Variants in TOP2B observed in about 807,000 individuals in gnomAD.
TOP2B encodes DNA topoisomerase 2-beta.
A neutral mutation model predicts 193.5 loss-of-function variants in TOP2B; 51 were observed. That is an observed-to-expected ratio of 0.26 (90% CI 0.21 to 0.33). TOP2B has a LOEUF of 0.33. Among genes scored for constraint, TOP2B ranks in the 10% least tolerant of loss-of-function variants. The probability of loss-of-function intolerance (pLI) is 1.00; values close to 1 mark genes in which losing one functional copy is unlikely to be tolerated. For synonymous variants in TOP2B, 634 were observed against 635.7 expected (o/e 1.00, Z 0.04); for missense variants, 1,378 against 1,909.3 (o/e 0.72, Z 5.19).
chr3:25,629,152 A>C lies in TOP2B; in HGVS notation c.1690-7T>G. On this transcript the variant is annotated splice_region_variant and splice_polypyrimidine_tract_variant and intron_variant, in intron 13 of 35. Coordinates refer to ENST00000264331, the MANE Select transcript of TOP2B (RefSeq NM_001330700.2). ...TGTGAGAACCATCTTGATCCTAAAT[A>C]AATGTTAGTAAAGTAAAAAATGTTG... is the stretch of plus-strand genomic sequence containing the variant. The C allele has an allele frequency of 6.6e-7, 1 of 1,517,332 alleles. No homozygotes were observed. Among genetic ancestry groups the C allele is most frequent in the East Asian group, 2.3e-5 (1 of 43,524 alleles). The allele number at this position is 1,517,332 out of a possible 1,614,324, so 94.0% of individuals were successfully genotyped here. A position where few individuals can be genotyped will look rare whatever the true frequency, so the allele number is the denominator to read the frequency against.
At chr3:25,619,782 T>A in intron 23 of TOP2B, 80 bp downstream of exon 23, 35 of 845,784 alleles carry the variant, frequency 4.1e-5, no homozygotes, top group Non-Finnish European at 6.0e-5. Flanking sequence ...CTATAGCCAC[T>A]CCCATCATGA....
At chr3:25,634,881 AAG>A (rs1176324350) in intron 7 of TOP2B, among the ~76,000 whole-genome samples, 6 of 152,064 alleles carry the variant, frequency 3.9e-5, no homozygotes, top group African/African-American at 1.2e-4. Context: ...CAGCTGGGGA[AAG>A]AGAATAGAGG....
chr3:25,653,858 C>T (rs1284245003), intron 1 of TOP2B, among the ~76,000 whole-genome samples: 2 of 152,192 alleles, frequency 1.3e-5, no homozygotes, highest in East Asian at 1.9e-4. Context: ...GCAAAAAACA[C>T]ATTATCATCT....
chr3:25,628,736 T>G lies in TOP2B; in HGVS notation c.1906+111A>C. ...TATAACAATACTTTAAAATCAGTGA[T>G]AGCTATTTTCGAAGTCTAAAATAGT... On this transcript the variant is annotated intron_variant, in intron 15 of 35. Transcript: ENST00000264331. The G allele has an allele frequency of 4.8e-6, 3 of 621,478 alleles. No individual in the cohort carries two copies. In the East Asian group the frequency reaches 8.8e-5, roughly 18 times the overall value. 38.5% of individuals were successfully genotyped at this position (621,478 alleles called of 1,614,324 possible).
intron 30 of TOP2B, 26 bp from the exon 31 acceptor site, chr3:25,607,401 T>G (rs1433460526): frequency 2.0e-5 from 31 of 1,547,432 alleles, no homozygotes; most frequent in Non-Finnish European, 2.5e-5. Flanking sequence ...AAAATGAATG[T>G]TAAACTCAAA....
rs755409248 is a variant in TOP2B, at chr3:25,607,439, T to C, written c.4094-64A>G. On this transcript the variant is annotated intron_variant, in intron 30 of 35. Coordinates refer to ENST00000264331, the MANE Select transcript of TOP2B (RefSeq NM_001330700.2). Reference sequence around the variant, plus strand: ...CTAGCTTTGTATACATGAATTATTATTACTGATAAAGCATTTGAAGTATAT... The same window carrying C: ...CTAGCTTTGTATACATGAATTATTACTACTGATAAAGCATTTGAAGTATAT... The C allele has an allele frequency of 7.8e-5, 116 of 1,486,088 alleles. 1 individual carries two copies. Among genetic ancestry groups the C allele is most frequent in the Non-Finnish European group, 1.0e-4 (115 of 1,104,576 alleles). 92.1% of individuals were successfully genotyped at this position (1,486,088 alleles called of 1,614,324 possible). A position where few individuals can be genotyped will look rare whatever the true frequency, so the allele number is the denominator to read the frequency against.
chr3:25,647,098 T>C (rs1313881033), intron 1 of TOP2B, among the ~76,000 whole-genome samples: 6 of 152,202 alleles, frequency 3.9e-5, no homozygotes, highest in African/African-American at 1.4e-4. Flanking sequence ...CTGCAAAAGT[T>C]AGACGATGAA....
chr3:25,645,483 A>G lies in TOP2B; in HGVS notation c.70-13T>C. 1.9e-6 allele frequency: 3 copies of G among 1,583,414 alleles called. No individual in the cohort carries two copies. The highest frequency in any genetic ancestry group is 1.7e-6 in the Non-Finnish European group (2 of 1,163,612). On this transcript the variant is annotated splice_polypyrimidine_tract_variant and intron_variant, in intron 1 of 35. Transcript: ENST00000264331. ...GATCAAAAAGAGTCTAAAATTAACC[A>G]AAAAATCAAATTTAAATAACCTACC...
At chr3:25,634,136 C>G in intron 7 of TOP2B, 122 bp from the exon 8 acceptor site, 1 of 703,310 alleles carries the variant, frequency 1.4e-6, no homozygotes, top group South Asian at 2.2e-5. Context: ...TGCACCGATC[C>G]AAACCTTAGT....
chr3:25,602,588 G>C (rs904809656), intron 33 of TOP2B, among the ~76,000 whole-genome samples: 1 of 151,714 alleles, frequency 6.6e-6, no homozygotes, highest in Admixed American at 6.6e-5. Flanking sequence ...CGTTAGCCAA[G>C]AGCAGGAGGA....
At chr3:25,641,578 T>C (rs1703266721) in intron 4 of TOP2B, among the ~76,000 whole-genome samples, 1 of 152,102 alleles carries the variant, frequency 6.6e-6, no homozygotes, top group Non-Finnish European at 1.5e-5. Context: ...TATGGTAACA[T>C]TTTCATATAA....
chr3:25,645,687 C>T (rs1048612207), intron 1 of TOP2B, among the ~76,000 whole-genome samples: 9 of 152,152 alleles, frequency 5.9e-5, no homozygotes, highest in African/African-American at 1.9e-4. Context: ...GGTATAGTCA[C>T]CAGAATCACT....
At chr3:25,604,915 A>G in intron 32 of TOP2B, 45 bp from the exon 33 acceptor site, 1 of 1,416,374 alleles carries the variant, frequency 7.1e-7, no homozygotes, top group South Asian at 1.2e-5. Context: ...TGTTATAAAG[A>G]TCTCTCAGTA....
intron 4 of TOP2B, among the ~76,000 whole-genome samples, chr3:25,640,479 T>C (rs947629757): frequency 2.0e-5 from 3 of 152,070 alleles, no homozygotes; most frequent in Non-Finnish European, 2.9e-5. Context: ...CAGAAGCAGT[T>C]AAAATGAGGT....
At chr3:25,631,715 T>C (rs1702964058) in intron 10 of TOP2B, among the ~76,000 whole-genome samples, 1 of 152,054 alleles carries the variant, frequency 6.6e-6, no homozygotes, top group African/African-American at 2.4e-5. Flanking sequence ...GAAACAATTG[T>C]TATGAGGACA....
intron 27 of TOP2B, among the ~76,000 whole-genome samples, chr3:25,613,269 A>G (rs1218627147): frequency 6.6e-6 from 1 of 152,192 alleles, no homozygotes; most frequent in Non-Finnish European, 1.5e-5. Context: ...ATTTACCAGA[A>G]TTATTCCTTA....
Position 25,664,287 on chromosome 3 carries a change from G to C in TOP2B, c.11C>G (p.Ser4Trp). 1 of 1,534,000 alleles carries C rather than the reference G, an allele frequency of 6.5e-7. No homozygotes were observed. Among genetic ancestry groups the C allele is most frequent in the Non-Finnish European group, 8.7e-7 (1 of 1,145,092 alleles). Residue 4 changes from serine to tryptophan, a missense_variant, in exon 1 of 36, where the codon TCG becomes TGG. Ser to Trp is a radical substitution (Grantham distance 177). This residue lies in a region of TOP2B where 83 missense variants were observed against 59.3 expected (regional missense o/e 1.40). Coordinates refer to ENST00000264331, the MANE Select transcript of TOP2B (RefSeq NM_001330700.2). Reference protein sequence around the residue: MAKSGGCGAGAGVG... With the variant: MAKWGGCGAGAGVG... ...GCCGGCTCCCGCGCCGCAGCCACCC[G>C]ACTTGGCCATGGCGAGTGCCTCCAG...
At chr3:25,611,619 T>C (rs931450797) in intron 28 of TOP2B, among the ~76,000 whole-genome samples, 1 of 152,142 alleles carries the variant, frequency 6.6e-6, no homozygotes, top group Non-Finnish European at 1.5e-5. Context: ...GCTCTGAACA[T>C]TTTTTCTGAT....
At chr3:25,659,656 T>G (rs570926744) in intron 1 of TOP2B, among the ~76,000 whole-genome samples, 1 of 152,232 alleles carries the variant, frequency 6.6e-6, no homozygotes, top group Non-Finnish European at 1.5e-5. Flanking sequence ...CAGCCCATAC[T>G]CTTAGCATTA....
Sources: gnomAD v4.1 joint callset for allele counts (sites outside exome capture counted in the v4.1 genomes callset) on GRCh38, gnomAD v4.1.1 for gene constraint, gnomAD v4.1.1 regional missense constraint, MANE v1.5 for transcripts, NCBI Gene and HGNC (gene_info 2026-07-23, HGNC 2026-07-21) for gene names.